The following KANSL1 variants were observed in gnomAD, a reference collection of about 807,000 sequenced individuals.
KANSL1 encodes the protein KAT8 regulatory NSL complex subunit 1, also known as MLL1/MLL complex subunit KANSL1.
Under a neutral mutation model 103.6 loss-of-function variants are expected in KANSL1, and 22 were observed. That is an observed-to-expected ratio of 0.21 (90% CI 0.15 to 0.30). The LOEUF is 0.30. Among genes scored for constraint, KANSL1 ranks in the 10% least tolerant of loss-of-function variants. The pLI is 1.00. For synonymous variants in KANSL1, 600 were observed against 527.6 expected (o/e 1.14, Z -1.88); for missense variants, 1,337 against 1,399.8 (o/e 0.96, Z 0.72).
intron 2 of KANSL1, among the ~76,000 whole-genome samples, chr17:46,165,521 T>A (rs1241221485): frequency 2.7e-5 from 4 of 149,178 alleles, no homozygotes; most frequent in African/African-American, 1.0e-4. Context: ...TATTTTTATT[T>A]TTTTTTTGAG....
At chr17:46,218,963 A>T (rs2048427009) in intron 1 of KANSL1, among the ~76,000 whole-genome samples, 1 of 151,914 alleles carries the variant, frequency 6.6e-6, no homozygotes, top group African/African-American at 2.4e-5. Context: ...TCACACGGTT[A>T]AGAGTGCTGA....
At chr17:46,185,714 CACACACACACACACACACACGG>C (rs2046998518) in intron 1 of KANSL1, among the ~76,000 whole-genome samples, 1 of 151,624 alleles carries the variant, frequency 6.6e-6, no homozygotes, top group South Asian at 2.1e-4. Context: ...CACACACACA[CACACACACACACACACACACGG>C]ATAGGCTAGG....
chr17:46,131,101 C>T (rs549691531), intron 2 of KANSL1, among the ~76,000 whole-genome samples: 13 of 152,186 alleles, frequency 8.5e-5, no homozygotes, highest in African/African-American at 2.9e-4. Context: ...AACTGCCACC[C>T]GTCTTATTTT....
At chr17:46,054,645 C>T (rs2077851920) in intron 6 of KANSL1, among the ~76,000 whole-genome samples, 1 of 152,088 alleles carries the variant, frequency 6.6e-6, no homozygotes, top group Non-Finnish European at 1.5e-5. Context: ...TAGTATTTGT[C>T]GCCTCTATCC....
At chr17:46,192,114 T>C (rs1329895865) in intron 1 of KANSL1, among the ~76,000 whole-genome samples, 1 of 152,232 alleles carries the variant, frequency 6.6e-6, no homozygotes, top group Non-Finnish European at 1.5e-5. Context: ...CACGTTTCTC[T>C]ATAAATCCAC....
In KANSL1 at chr17:46,170,990, G is replaced by A. The variant is rs913316099; in HGVS notation, c.1154C>T (p.Ala385Val). Residue 385 changes from alanine to valine, a missense_variant, in exon 2 of 15, where the codon GCT becomes GTT. This residue lies in a region of KANSL1 where 557 missense variants were observed against 476.4 expected (regional missense o/e 1.17). Coordinates refer to ENST00000432791, the MANE Select transcript of KANSL1 (RefSeq NM_015443.4). ...GCACCTCAAGTTGGCTATGCCACTA[G>A]CTGTAAATCTCTCCAATTCTTCTGA... ...SISEELERFT[A>V]SGIANLRCSE... is the part of the protein sequence containing the mutation. 1 of 1,614,196 alleles carries A rather than the reference G, an allele frequency of 6.2e-7. No homozygotes were observed. The highest frequency in any genetic ancestry group is 1.1e-5 in the South Asian group (1 of 91,090).
At chr17:46,054,997 C>T (rs2077866446) in intron 6 of KANSL1, among the ~76,000 whole-genome samples, 1 of 151,644 alleles carries the variant, frequency 6.6e-6, no homozygotes, top group South Asian at 2.1e-4. Context: ...ACTATAGGCG[C>T]CCGCCACAAC....
At chr17:46,033,679 C>A (rs1234668168) in intron 11 of KANSL1, among the ~76,000 whole-genome samples, 2 of 152,142 alleles carry the variant, frequency 1.3e-5, no homozygotes, top group South Asian at 2.1e-4. Context: ...ATGAGAGAAG[C>A]GGCCTAGGGT....
chr17:46,086,456 G>A (rs778946575), intron 3 of KANSL1, among the ~76,000 whole-genome samples: 16 of 152,148 alleles, frequency 1.1e-4, no homozygotes, highest in African/African-American at 3.4e-4. Context: ...TCATTTATCC[G>A]CTCATCAGCA....
chr17:46,080,312 T>TAAAAA (rs35520207), intron 4 of KANSL1, among the ~76,000 whole-genome samples: 3 of 77,776 alleles, frequency 3.9e-5, no homozygotes, highest in Non-Finnish European at 5.2e-5. Context: ...GAGCCTGTCT[T>TAAAAA]AAAAAAAAAA....
At chr17:46,117,582 G>GCC (rs780151028) in intron 2 of KANSL1, among the ~76,000 whole-genome samples, 1 of 151,804 alleles carries the variant, frequency 6.6e-6, no homozygotes, top group African/African-American at 2.4e-5. Context: ...CCATGTGCAT[G>GCC]CCTCGCAAAG....
At chr17:46,152,166 T>C (rs990724047) in intron 2 of KANSL1, among the ~76,000 whole-genome samples, 5 of 152,216 alleles carry the variant, frequency 3.3e-5, no homozygotes, top group African/African-American at 7.2e-5. Flanking sequence ...TTTGAGGGAA[T>C]TGGCATTGCT....
chr17:46,223,065 G>GT (rs1399586224), intron 1 of KANSL1: 1 of 149,342 alleles, frequency 6.7e-6, no homozygotes, highest in Non-Finnish European at 1.5e-5. Flanking sequence ...TCCAAATGAG[G>GT]TTTACCCTGT....
chr17:46,048,705 A>G (rs1184081684), intron 7 of KANSL1, among the ~76,000 whole-genome samples: 1 of 152,236 alleles, frequency 6.6e-6, no homozygotes. Context: ...GCTGGCTTCC[A>G]TCTAGAATAG....
chr17:46,143,152 T>C (rs1170432705), intron 2 of KANSL1, among the ~76,000 whole-genome samples: 1 of 152,208 alleles, frequency 6.6e-6, no homozygotes, highest in Non-Finnish European at 1.5e-5. Context: ...ACTAAAAATA[T>C]AATACCTCCC....
At chr17:46,224,116 T>C (rs931409201), upstream of KANSL1, among the ~76,000 whole-genome samples, 1 of 152,266 alleles carries the variant, frequency 6.6e-6, no homozygotes, top group Non-Finnish European at 1.5e-5. Flanking sequence ...CTAAACGTGA[T>C]TTGTTAACTA....
intron 1 of KANSL1, among the ~76,000 whole-genome samples, chr17:46,180,115 T>G (rs927001449): frequency 3.3e-5 from 5 of 151,512 alleles, no homozygotes; most frequent in African/African-American, 1.2e-4. Flanking sequence ...CATATTTTAA[T>G]AGAGGAAATA....
At chr17:46,094,534 A>G in intron 3 of KANSL1, 26 bp downstream of exon 3, 1 of 1,596,638 alleles carries the variant, frequency 6.3e-7, no homozygotes, top group Non-Finnish European at 8.5e-7. Context: ...GGCAGCATTT[A>G]AAAACATCAG....
At chr17:46,105,947 A>ACACCCCCC (rs1396276906) in intron 2 of KANSL1, among the ~76,000 whole-genome samples, 1 of 57,778 alleles carries the variant, frequency 1.7e-5, no homozygotes, top group African/African-American at 6.6e-5. Flanking sequence ...ACACACACAC[A>ACACCCCCC]CCCCCCCAGA....
Sources: allele counts gnomAD v4.1 joint callset (sites outside exome capture counted in the v4.1 genomes callset), GRCh38; gene constraint gnomAD v4.1.1; regional missense constraint gnomAD v4.1.1; transcripts MANE v1.5; gene names NCBI Gene and HGNC (gene_info 2026-07-23, HGNC 2026-07-21).